The following PEPD variants were observed in gnomAD, a reference collection of about 807,000 sequenced individuals.
PEPD encodes xaa-Pro dipeptidase.
PEPD carries 53 observed loss-of-function variants against 60.7 expected under a neutral mutation model. The observed-to-expected ratio is 0.87, with a 90% CI of 0.70 to 1.10. The LOEUF is 1.10. Ranked by LOEUF, PEPD falls within the 50% of genes least tolerant of loss-of-function variation. PEPD has a pLI of 0.00. For synonymous variants in PEPD, 267 were observed against 284.1 expected (o/e 0.94, Z 0.60); for missense variants, 711 against 711.9 (o/e 1.00, Z 0.01).
At chr19:33,476,277 C>G (rs1319930525) in intron 7 of PEPD, among the ~76,000 whole-genome samples, 1 of 152,148 alleles carries the variant, frequency 6.6e-6, no homozygotes, top group Non-Finnish European at 1.5e-5. Context: ...CCCCGAGGGT[C>G]AGTATTAGCG....
chr19:33,459,429 C>T (rs983337711), intron 9 of PEPD, among the ~76,000 whole-genome samples: 3 of 152,144 alleles, frequency 2.0e-5, no homozygotes, highest in Non-Finnish European at 4.4e-5. Context: ...TGGATCCGGC[C>T]GCCAGCCCCA....
intron 4 of PEPD, among the ~76,000 whole-genome samples, chr19:33,498,618 G>A (rs539176673): frequency 3.3e-5 from 5 of 152,252 alleles, no homozygotes; most frequent in African/African-American, 7.2e-5. Flanking sequence ...CTGGAGGCAG[G>A]TGCCCATCCT....
intron 9 of PEPD, among the ~76,000 whole-genome samples, chr19:33,462,624 C>T (rs942420500): frequency 1.3e-5 from 2 of 152,334 alleles, no homozygotes; most frequent in East Asian, 1.9e-4. Flanking sequence ...CGCCCGAGCA[C>T]AGCAGACATA....
At chr19:33,443,674 T>C (rs895706624) in intron 9 of PEPD, among the ~76,000 whole-genome samples, 13 of 151,148 alleles carry the variant, frequency 8.6e-5, no homozygotes, top group Non-Finnish European at 8.9e-5. Flanking sequence ...AAACTCTTAT[T>C]CCAAAAAAAA....
chr19:33,396,091 A>G (rs1235102405), intron 12 of PEPD: 2 of 152,500 alleles, frequency 1.3e-5, no homozygotes, highest in East Asian at 3.9e-4. Flanking sequence ...CTGGCTCACC[A>G]TTGCGGCCGG....
chr19:33,458,773 T>G (rs1230244561), intron 9 of PEPD, among the ~76,000 whole-genome samples: 5 of 118,022 alleles, frequency 4.2e-5, no homozygotes, highest in Admixed American at 2.7e-4. Context: ...ATGGTATGTG[T>G]GGGGGTGTGT....
chr19:33,516,066 G>A (rs912158409), intron 1 of PEPD, among the ~76,000 whole-genome samples: 1 of 152,064 alleles, frequency 6.6e-6, no homozygotes, highest in Non-Finnish European at 1.5e-5. Context: ...CCCTGTGCAG[G>A]GCTCTGAGCA....
chr19:33,511,954 T>C (rs1970934527), intron 2 of PEPD, among the ~76,000 whole-genome samples: 2 of 152,152 alleles, frequency 1.3e-5, no homozygotes, highest in Admixed American at 1.3e-4. Context: ...ATCTGTGGCC[T>C]GCTGGGGCGA....
At chr19:33,459,110 G>T (rs1223690933) in intron 9 of PEPD, among the ~76,000 whole-genome samples, 1 of 152,030 alleles carries the variant, frequency 6.6e-6, no homozygotes, top group Non-Finnish European at 1.5e-5. Flanking sequence ...GTCGCCTGTG[G>T]CAGGAGCGCC....
chr19:33,502,593 G>A (rs1345341367), intron 3 of PEPD, among the ~76,000 whole-genome samples: 1 of 151,952 alleles, frequency 6.6e-6, no homozygotes, highest in African/African-American at 2.4e-5. Flanking sequence ...GCAAAGAAAC[G>A]CAACTTTGTA....
At chr19:33,491,829 T>C (rs1970505494) in intron 5 of PEPD, among the ~76,000 whole-genome samples, 1 of 152,172 alleles carries the variant, frequency 6.6e-6, no homozygotes, top group African/African-American at 2.4e-5. Context: ...CTTGGACCAG[T>C]ATAAGCACAT....
chr19:33,473,167 C>A (rs772753826), intron 7 of PEPD, among the ~76,000 whole-genome samples: 2 of 152,142 alleles, frequency 1.3e-5, no homozygotes, highest in African/African-American at 4.8e-5. Context: ...TGCCTCCTGG[C>A]GCGCAGTGAC....
chr19:33,422,509 CATCT>C (rs539236346), intron 9 of PEPD, among the ~76,000 whole-genome samples: 1 of 151,632 alleles, frequency 6.6e-6, no homozygotes, highest in Non-Finnish European at 1.5e-5. Context: ...TCCACCTATC[CATCT>C]ATCATCTATT....
intron 1 of PEPD, among the ~76,000 whole-genome samples, chr19:33,518,086 C>A (rs1971057218): frequency 6.6e-6 from 1 of 152,196 alleles, no homozygotes; most frequent in Non-Finnish European, 1.5e-5. Context: ...AGGCACCAGA[C>A]AGATGCTCAG....
intron 3 of PEPD, among the ~76,000 whole-genome samples, chr19:33,510,237 C>G (rs941161141): frequency 6.6e-6 from 1 of 152,124 alleles, no homozygotes; most frequent in African/African-American, 2.4e-5. Context: ...TTCTTGGTCT[C>G]GAGTTGAATT....
At chr19:33,462,416 C>T (rs191240498) in intron 9 of PEPD, among the ~76,000 whole-genome samples, 119 of 152,318 alleles carry the variant, frequency 7.8e-4, no homozygotes, top group African/African-American at 2.8e-3. Flanking sequence ...CCAAAGGTTT[C>T]CTTGTACCAT....
chr19:33,519,736 G>A (rs1971096630), intron 1 of PEPD, among the ~76,000 whole-genome samples: 1 of 152,162 alleles, frequency 6.6e-6, no homozygotes, highest in Non-Finnish European at 1.5e-5. Flanking sequence ...CACCCACCCT[G>A]TGTGGTGGCC....
intron 11 of PEPD, among the ~76,000 whole-genome samples, chr19:33,410,161 A>G (rs912488603): frequency 1.3e-5 from 2 of 152,328 alleles, no homozygotes; most frequent in South Asian, 2.1e-4. Flanking sequence ...TGGCGGTTCC[A>G]CTGGCCTGCC....
At chr19:33,464,121 C>A (rs1352207397) in intron 7 of PEPD, 59 bp from the exon 8 acceptor site, 87 of 1,284,868 alleles carry the variant, frequency 6.8e-5, no homozygotes, top group Non-Finnish European at 5.6e-6. Flanking sequence ...ACTGGCTGGA[C>A]CCCTCCAGGG....
Sources: allele counts gnomAD v4.1 joint callset (sites outside exome capture counted in the v4.1 genomes callset), GRCh38; gene constraint gnomAD v4.1.1; transcripts MANE v1.5; gene names NCBI Gene and HGNC (gene_info 2026-07-23, HGNC 2026-07-21).